PROS1: variants seen among roughly 807,000 people sequenced by gnomAD.
PROS1 encodes the protein vitamin K-dependent protein S.
A neutral mutation model predicts 75.9 loss-of-function variants in PROS1; 29 were observed. The ratio of observed to expected loss-of-function variants is 0.38; its 90% CI spans 0.28 to 0.52. The LOEUF (loss-of-function observed/expected upper bound fraction) is 0.52. PROS1 is among the 20% of genes least tolerant of loss of function. The probability of loss-of-function intolerance (pLI) is 0.83; values close to 1 mark genes in which losing one functional copy is unlikely to be tolerated. For missense variants in PROS1, 680 were observed against 810.3 expected (o/e 0.84, Z 1.95); for synonymous variants, 245 against 280.6 (o/e 0.87, Z 1.27).
chr3:93,932,253 T>C (rs1709117199), intron 1 of PROS1, among the ~76,000 whole-genome samples: 1 of 152,214 alleles, frequency 6.6e-6, no homozygotes, highest in Admixed American at 6.5e-5. Context: ...TAGATTAAAA[T>C]TTTCCGTTTT....
Position 93,877,046 on chromosome 3 carries a change from T to G in PROS1, c.1790A>C (p.His597Pro), listed in dbSNP as rs780812527. 3.1e-6 allele frequency: 5 copies of G among 1,614,064 alleles called. No homozygotes were observed. ...STPLKIETIS[H>P]EDLQRQLAVL... is the part of the protein sequence containing the mutation. ...GGCAAGTTGTCTTTGAAGGTCTTCA[T>G]GGGAGATGGTTTCTATTTTAAGTGG... The change falls in exon 14 of 15, where the codon CAT becomes CCT. Residue 597 changes from histidine to proline, a missense_variant. Physicochemically the swap from His to Pro is moderately conservative, Grantham distance 77. Coordinates refer to ENST00000394236, the MANE Select transcript of PROS1 (RefSeq NM_000313.4).
intron 1 of PROS1, chr3:93,973,456 T>C (rs1709912227): frequency 1.7e-6 from 1 of 598,006 alleles, no homozygotes; most frequent in Non-Finnish European, 3.1e-6. Context: ...ATCTGTCCTG[T>C]AGGCAATACA....
At chr3:93,966,486 A>G (rs993124025) in intron 1 of PROS1, among the ~76,000 whole-genome samples, 6 of 152,198 alleles carry the variant, frequency 3.9e-5, no homozygotes, top group African/African-American at 1.4e-4. Flanking sequence ...AAGGACCACA[A>G]ACTAAAAATT....
intron 3 of PROS1, among the ~76,000 whole-genome samples, chr3:93,917,976 G>A (rs370770392): frequency 6.6e-6 from 1 of 152,154 alleles, no homozygotes; most frequent in African/African-American, 2.4e-5. Context: ...GCGGGCACAC[G>A]GCTTGGGACT....
At chr3:93,898,226 G>A (rs1230123105) in intron 8 of PROS1, among the ~76,000 whole-genome samples, 1 of 151,942 alleles carries the variant, frequency 6.6e-6, no homozygotes, top group Non-Finnish European at 1.5e-5. Flanking sequence ...TCTCTAAACT[G>A]TGACTCTACC....
At position 93,898,576 on chromosome 3, in the gene PROS1, T is replaced by TA. The variant is rs751417718; in HGVS notation, c.728-8dup. 7.8e-5 allele frequency: 126 copies of TA among 1,610,764 alleles called. No homozygotes were observed. The highest frequency in any genetic ancestry group is 1.3e-4 in the South Asian group (12 of 91,008). The stretch of plus-strand genomic sequence containing the variant: ...TCAGAGCATTCATCTATATCTGAGG[T>TA]AAAAAAAACACACGCACACAAACTT... On this transcript the variant is annotated splice_polypyrimidine_tract_variant and splice_region_variant and intron_variant, in intron 7 of 14. Coordinates refer to ENST00000394236, the MANE Select transcript of PROS1 (RefSeq NM_000313.4).
In PROS1 at chr3:93,915,075, C is replaced by A. The variant is rs549303437; in HGVS notation, c.260-4370G>T. ...TTTCACTCTTTATATGACCAGGCTG[C>A]GAATTTCCCAAATATTTTTGCCCTG... On this transcript the variant is annotated intron_variant, in intron 3 of 14. Transcript: ENST00000394236. Among the ~76,000 whole-genome samples, 4 of 152,266 alleles carry A rather than the reference C, an allele frequency of 2.6e-5. No homozygotes were observed. In the East Asian group the frequency reaches 7.7e-4, roughly 29 times the overall value.
intron 9 of PROS1, 62 bp downstream of exon 9, chr3:93,896,514 C>A: frequency 8.0e-7 from 1 of 1,250,312 alleles, no homozygotes; most frequent in Admixed American, 1.7e-5. Flanking sequence ...CCTTTTCGGC[C>A]ACTTTTCTTC....
chr3:93,874,540 T>C, intron 14 of PROS1, 135 bp from the exon 15 acceptor site: 1 of 1,211,524 alleles, frequency 8.3e-7, no homozygotes, highest in South Asian at 1.5e-5. Context: ...TGAAATTCTA[T>C]TCCATAAATA....
chr3:93,971,185 T>C (rs769426269), intron 1 of PROS1, among the ~76,000 whole-genome samples: 30 of 149,956 alleles, frequency 2.0e-4, no homozygotes, highest in Non-Finnish European at 3.3e-4. Flanking sequence ...CTACTAAAAA[T>C]ACAAAAATTA....
chr3:93,904,680 T>C (rs112696513), intron 6 of PROS1, among the ~76,000 whole-genome samples: 5 of 152,300 alleles, frequency 3.3e-5, no homozygotes, highest in Admixed American at 6.5e-5. Context: ...TATTATATTG[T>C]ATCCAGTTTC....
chr3:93,948,490 C>T (rs1317860706), intron 1 of PROS1, among the ~76,000 whole-genome samples: 4 of 152,114 alleles, frequency 2.6e-5, no homozygotes, highest in Non-Finnish European at 5.9e-5. Context: ...GCTGATCTGT[C>T]TAATGTTGAC....
At chr3:93,958,104 T>A (rs760095118) in intron 1 of PROS1, among the ~76,000 whole-genome samples, 30 of 151,610 alleles carry the variant, frequency 2.0e-4, no homozygotes, top group Non-Finnish European at 4.1e-4. Context: ...ATAATAATAA[T>A]AAAATAAAAT....
intron 1 of PROS1, among the ~76,000 whole-genome samples, chr3:93,950,718 C>G (rs1445482033): frequency 6.6e-6 from 1 of 152,280 alleles, no homozygotes; most frequent in Non-Finnish European, 1.5e-5. Context: ...TAGATAAAAC[C>G]ACAAAGATCG....
chr3:93,970,665 G>C (rs1248983687), intron 1 of PROS1, among the ~76,000 whole-genome samples: 1 of 151,022 alleles, frequency 6.6e-6, no homozygotes, highest in East Asian at 1.9e-4. Flanking sequence ...GTTAAATATA[G>C]AGATTCTCAT....
At chr3:93,954,119 AG>A (rs1709558527) in intron 1 of PROS1, among the ~76,000 whole-genome samples, 1 of 152,222 alleles carries the variant, frequency 6.6e-6, no homozygotes, top group African/African-American at 2.4e-5. Flanking sequence ...ATGGGTAGGA[AG>A]AATCAATATC....
At chr3:93,926,836 T>C (rs1430607183) in intron 2 of PROS1, among the ~76,000 whole-genome samples, 1 of 152,206 alleles carries the variant, frequency 6.6e-6, no homozygotes, top group Non-Finnish European at 1.5e-5. Flanking sequence ...TATTTGCTGA[T>C]AATGAAGTGT....
In PROS1 at chr3:93,900,933, TA is replaced by T. The variant is rs753065381; in HGVS notation, c.602-5del. 1 of 1,613,408 alleles carries T rather than the reference TA, an allele frequency of 6.2e-7. No homozygotes were observed. The highest frequency in any genetic ancestry group is 1.3e-5 in the African/African-American group (1 of 75,018). On this transcript the variant is annotated splice_polypyrimidine_tract_variant and splice_region_variant and intron_variant, in intron 6 of 14. Transcript: ENST00000394236. ...TTCAAAGAGCATTCATCCACATCTA[TA>T]AATAAAATCACTATATTAAAAAACA... is the stretch of plus-strand genomic sequence containing the variant.
chr3:93,947,618 G>T (rs1441181219), intron 1 of PROS1, among the ~76,000 whole-genome samples: 3 of 152,040 alleles, frequency 2.0e-5, no homozygotes, highest in Admixed American at 2.0e-4. Flanking sequence ...TCAGGCTGGA[G>T]TGCAGTGGCG....
Sources: allele counts gnomAD v4.1 joint callset (sites outside exome capture counted in the v4.1 genomes callset), GRCh38; gene constraint gnomAD v4.1.1; transcripts MANE v1.5; gene names NCBI Gene and HGNC (gene_info 2026-07-23, HGNC 2026-07-21).